MARCHF1: variants seen among roughly 807,000 people sequenced by gnomAD.
The protein encoded by MARCHF1 is membrane associated ring-CH-type finger 1, also known as E3 ubiquitin-protein ligase MARCHF1.
MARCHF1 carries 40 observed loss-of-function variants against 54.2 expected under a neutral mutation model. That is an observed-to-expected ratio of 0.74 (90% CI 0.57 to 0.96). The LOEUF (loss-of-function observed/expected upper bound fraction) is 0.96. Ranked by LOEUF, MARCHF1 falls within the 40% of genes least tolerant of loss-of-function variation. The pLI, the probability that MARCHF1 is intolerant of heterozygous loss-of-function variation, is 0.00. For missense variants in MARCHF1, 586 were observed against 656.5 expected, an observed-to-expected ratio of 0.89 and a Z score of 1.17; for synonymous variants, 236 against 236.3, an observed-to-expected ratio of 1.00 and a Z score of 0.01.
chr4:163,560,254 G>A (rs1739425588), intron 8 of MARCHF1, among the ~76,000 whole-genome samples: 1 of 152,108 alleles, frequency 6.6e-6, no homozygotes, highest in Admixed American at 6.5e-5. Flanking sequence ...TATATGGTGT[G>A]AGATATAGAT....
intron 5 of MARCHF1, among the ~76,000 whole-genome samples, chr4:163,664,976 T>G (rs934577211): frequency 1.3e-5 from 2 of 152,096 alleles, no homozygotes; most frequent in African/African-American, 4.8e-5. Flanking sequence ...TATATTTAGC[T>G]ATATGCTAAA....
chr4:163,753,144 C>A (rs1471612297), intron 4 of MARCHF1, among the ~76,000 whole-genome samples: 1 of 151,906 alleles, frequency 6.6e-6, no homozygotes, highest in South Asian at 2.1e-4. Context: ...ACTAGATGAT[C>A]CCTTAGGTTT....
rs774603753 is a variant in MARCHF1, at chr4:163,828,054, C to CACACACACACACACAGAG, written c.111+25966_111+25967insCTCTGTGTGTGTGTGTGT. Among the ~76,000 whole-genome samples, 62 of 148,308 alleles carry CACACACACACACACAGAG rather than the reference C, an allele frequency of 4.2e-4. 1 individual carries two copies. In the East Asian group the frequency reaches 8.6e-3, roughly 20 times the overall value. ...ACACACACACACACACACACACACA[C>CACACACACACACACAGAG]AGACACACCTTGTCATTCTCCTCCT... On this transcript the variant is annotated intron_variant, in intron 4 of 9. Coordinates refer to ENST00000514618, the MANE Select transcript of MARCHF1 (RefSeq NM_001394959.1).
At chr4:164,138,215 C>T (rs1756442551) in intron 1 of MARCHF1, among the ~76,000 whole-genome samples, 1 of 151,244 alleles carries the variant, frequency 6.6e-6, no homozygotes, top group African/African-American at 2.4e-5. Flanking sequence ...TCTGGCATTA[C>T]CTAGGTTTTT....
chr4:164,205,212 T>C (rs889416728), intron 1 of MARCHF1, among the ~76,000 whole-genome samples: 2 of 152,226 alleles, frequency 1.3e-5, no homozygotes, highest in Admixed American at 6.5e-5. Flanking sequence ...AATCTATGTA[T>C]AATGATCACA....
At chr4:163,929,955 T>TAA (rs1246367522) in intron 3 of MARCHF1, among the ~76,000 whole-genome samples, 2 of 81,428 alleles carry the variant, frequency 2.5e-5, no homozygotes, top group Non-Finnish European at 4.6e-5. Flanking sequence ...ATTATATATA[T>TAA]TATATATAAT....
chr4:163,870,660 A>G (rs1480143639), intron 3 of MARCHF1, among the ~76,000 whole-genome samples: 1 of 152,166 alleles, frequency 6.6e-6, no homozygotes, highest in African/African-American at 2.4e-5. Context: ...ATGGCTTAAA[A>G]AAGAATAAAA....
At chr4:164,063,328 C>T (rs1754660832) in intron 2 of MARCHF1, among the ~76,000 whole-genome samples, 1 of 152,214 alleles carries the variant, frequency 6.6e-6, no homozygotes, top group Admixed American at 6.5e-5. Flanking sequence ...GTTCCATGTA[C>T]ATTAAATATC....
rs191608261 is a variant in MARCHF1 at position 163,615,328 on chromosome 4, C to T, written c.163-1935G>A. 3.9e-5 allele frequency among the ~76,000 whole-genome samples: 6 copies of T among 152,060 alleles called. No individual in the cohort carries two copies. In the East Asian group the frequency reaches 9.7e-4, roughly 25 times the overall value. On this transcript the variant is annotated intron_variant, in intron 5 of 9. Coordinates refer to ENST00000514618, the MANE Select transcript of MARCHF1 (RefSeq NM_001394959.1). ...GTAGAGGAAACCATTTGTTAAGAGA[C>T]CTAAAGACACCACCAAAAAACTCCT...
intron 1 of MARCHF1, among the ~76,000 whole-genome samples, chr4:164,213,071 T>TTA (rs573433202): frequency 6.6e-6 from 1 of 151,958 alleles, no homozygotes; most frequent in African/African-American, 2.4e-5. Flanking sequence ...TGCATATATA[T>TTA]TATATATGTG....
intron 1 of MARCHF1, among the ~76,000 whole-genome samples, chr4:164,315,883 A>G (rs895540964): frequency 3.3e-5 from 5 of 152,216 alleles, no homozygotes; most frequent in African/African-American, 9.6e-5. Context: ...GATAATTGGT[A>G]TTATAATGGT....
At chr4:164,244,755 A>G (rs1360762539) in intron 1 of MARCHF1, among the ~76,000 whole-genome samples, 1 of 152,188 alleles carries the variant, frequency 6.6e-6, no homozygotes, top group Non-Finnish European at 1.5e-5. Flanking sequence ...AATAGATGCA[A>G]TAAAAAATGA....
chr4:163,654,182 G>C (rs578026385), intron 5 of MARCHF1, among the ~76,000 whole-genome samples: 3 of 151,598 alleles, frequency 2.0e-5, no homozygotes, highest in Non-Finnish European at 4.4e-5. Context: ...TTGGCAATGT[G>C]GGATTCATTG....
chr4:163,876,489 T>C (rs1750292495), intron 3 of MARCHF1, among the ~76,000 whole-genome samples: 1 of 152,122 alleles, frequency 6.6e-6, no homozygotes, highest in African/African-American at 2.4e-5. Flanking sequence ...AGCTCTAATT[T>C]GGATTATTAA....
chr4:164,199,679 C>G (rs200708721), intron 1 of MARCHF1, among the ~76,000 whole-genome samples: 11,732 of 45,718 alleles, frequency 0.26, 598 homozygotes, highest in Non-Finnish European at 0.29. Flanking sequence ...CACACACACA[C>G]ACAGAGAGAG....
intron 1 of MARCHF1, among the ~76,000 whole-genome samples, chr4:164,294,461 T>C (rs1308317079): frequency 2.0e-5 from 3 of 152,186 alleles, no homozygotes; most frequent in Non-Finnish European, 4.4e-5. Flanking sequence ...GAGTTTATGC[T>C]ACAAGTAAAA....
At chr4:163,637,756 G>T (rs1326552770) in intron 5 of MARCHF1, among the ~76,000 whole-genome samples, 3 of 151,660 alleles carry the variant, frequency 2.0e-5, no homozygotes, top group Admixed American at 6.6e-5. Flanking sequence ...TATACCCAAA[G>T]GACTATAAAT....
At chr4:163,904,754 G>GCA (rs1553962308) in intron 3 of MARCHF1, among the ~76,000 whole-genome samples, 1 of 11,034 alleles carries the variant, frequency 9.1e-5, no homozygotes, top group Non-Finnish European at 3.2e-4. Context: ...ATGGTTTCCA[G>GCA]GAGAGAGAAA....
intron 5 of MARCHF1, among the ~76,000 whole-genome samples, chr4:163,660,037 GC>G (rs1207192569): frequency 5.9e-5 from 9 of 152,024 alleles, no homozygotes; most frequent in Non-Finnish European, 1.2e-4. Flanking sequence ...ATTTGACACA[GC>G]AATCTCATTA....
Sources: gnomAD v4.1 joint callset for allele counts (sites outside exome capture counted in the v4.1 genomes callset) on GRCh38, gnomAD v4.1.1 for gene constraint, MANE v1.5 for transcripts, NCBI Gene and HGNC (gene_info 2026-07-23, HGNC 2026-07-21) for gene names.